CMC1: variants seen among roughly 807,000 people sequenced by gnomAD.
CMC1 encodes COX assembly mitochondrial protein homolog.
Under a neutral mutation model 14.1 loss-of-function variants are expected in CMC1, and 14 were observed. The observed-to-expected ratio is 0.99, with a 90% CI of 0.66 to 1.55. The LOEUF (loss-of-function observed/expected upper bound fraction) is 1.55, where lower values mean the gene tolerates loss of function less well. CMC1 is among the 40% of genes most tolerant of loss of function. CMC1 has a pLI of 0.00. For synonymous variants in CMC1, 50 were observed against 38.4 expected, an observed-to-expected ratio of 1.30 and a Z score of -1.12; for missense variants, 127 against 123.8, an observed-to-expected ratio of 1.03 and a Z score of -0.12.
chr3:28,297,584 A>G lies in CMC1; in HGVS notation c.110-18749A>G, dbSNP rs1192647782. Among the ~76,000 whole-genome samples, 3 of 152,102 alleles carry G rather than the reference A, an allele frequency of 2.0e-5. No homozygotes were observed. The East Asian group carries it at 5.8e-4, about 29-fold the overall frequency. ...ATTTTAGAGCTGAAATGTTTAAGAA[A>G]GCTTTTCCAGCAGATGACACAGACC... On this transcript the variant is annotated intron_variant, in intron 2 of 3. Coordinates refer to ENST00000466830, the MANE Select transcript of CMC1 (RefSeq NM_182523.2).
rs1469721734 is a variant in CMC1, at chr3:28,253,806, CTAAG to C, written c.20-9478_20-9475del. ...TAAATTTTTTAAAAAATGGCATTAC[CTAAG>C]TAAGTATCAAATTAGTTAAATTAGA... On this transcript the variant is annotated intron_variant, in intron 1 of 3. Transcript: ENST00000466830. 13 of 982,402 alleles carry C rather than the reference CTAAG, an allele frequency of 1.3e-5. No individual in the cohort carries two copies. In the African/African-American group the frequency reaches 1.7e-4, roughly 13 times the overall value. 60.9% of individuals were successfully genotyped at this position (982,402 alleles called of 1,614,324 possible).
chr3:28,277,485 T>G (rs1700640436), intron 2 of CMC1, among the ~76,000 whole-genome samples: 1 of 152,124 alleles, frequency 6.6e-6, no homozygotes, highest in African/African-American at 2.4e-5. Context: ...ATCTTGAAAG[T>G]TATGAACTTT....
chr3:28,311,674 G>A (rs17021353), intron 2 of CMC1, among the ~76,000 whole-genome samples: 2,233 of 152,228 alleles, frequency 0.015, 53 homozygotes, highest in African/African-American at 0.05. Flanking sequence ...GCACTTAGGC[G>A]TCGTCTATAG....
At position 28,322,982 on chromosome 3, in the gene CMC1, A is replaced by G. The variant is rs896378492; in HGVS notation, c.*3353A>G. The G allele has an allele frequency of 6.6e-6, 1 of 150,752 alleles. No individual in the cohort carries two copies. Among genetic ancestry groups the G allele is most frequent in the African/African-American group, 2.4e-5 (1 of 41,290 alleles). The allele number at this position is 150,752 out of a possible 1,614,324, so 9.3% of individuals were successfully genotyped here. On this transcript the variant is annotated 3_prime_UTR_variant, in exon 4 of 4. Coordinates refer to ENST00000466830, the MANE Select transcript of CMC1 (RefSeq NM_182523.2). Reference sequence around the variant, plus strand: ...TAAATTTCCATGTGAAGCCATCTTTATTTCCTTCTTTATTTCCAAATAATT... The same window carrying G: ...TAAATTTCCATGTGAAGCCATCTTTGTTTCCTTCTTTATTTCCAAATAATT...
chr3:28,315,197 A>G (rs1221778989), intron 2 of CMC1: 1 of 152,226 alleles, frequency 6.6e-6, no homozygotes, highest in African/African-American at 2.4e-5. Flanking sequence ...AGCAAAGCAT[A>G]TTGTCCTGTG....
At chr3:28,311,611 C>G (rs1384154147) in intron 2 of CMC1, among the ~76,000 whole-genome samples, 1 of 152,172 alleles carries the variant, frequency 6.6e-6, no homozygotes, top group African/African-American at 2.4e-5. Flanking sequence ...TGTCTTCAGG[C>G]ACTTTTTACT....
chr3:28,303,715 C>T (rs1242318243), intron 2 of CMC1, among the ~76,000 whole-genome samples: 1 of 151,992 alleles, frequency 6.6e-6, no homozygotes, highest in Non-Finnish European at 1.5e-5. Context: ...TATTAACACT[C>T]CTTCAATTAA....
At chr3:28,300,669 C>A (rs866374287) in intron 2 of CMC1, among the ~76,000 whole-genome samples, 33 of 109,776 alleles carry the variant, frequency 3.0e-4, no homozygotes, top group Middle Eastern at 4.2e-3. Flanking sequence ...CTCCCTTTCC[C>A]TCCCTTTCCC....
At chr3:28,264,581 C>G (rs1699906659) in intron 2 of CMC1, among the ~76,000 whole-genome samples, 1 of 152,110 alleles carries the variant, frequency 6.6e-6, no homozygotes. Context: ...CACCTACCCC[C>G]AGATGTCTTG....
chr3:28,302,654 A>T (rs1001027648), intron 2 of CMC1, among the ~76,000 whole-genome samples: 1 of 152,144 alleles, frequency 6.6e-6, no homozygotes, highest in East Asian at 1.9e-4. Context: ...ATTTAAATAT[A>T]TTTTATAGGA....
intron 1 of CMC1, among the ~76,000 whole-genome samples, chr3:28,242,762 A>C (rs1457501506): frequency 1.3e-5 from 2 of 152,178 alleles, no homozygotes; most frequent in Non-Finnish European, 2.9e-5. Context: ...TAGATCAGGG[A>C]GTACTCTAAT....
At chr3:28,279,750 A>G (rs1360314004) in intron 2 of CMC1, among the ~76,000 whole-genome samples, 1 of 151,648 alleles carries the variant, frequency 6.6e-6, no homozygotes, top group African/African-American at 2.4e-5. Flanking sequence ...CAGAGAGGGG[A>G]AAAAAAAAGA....
At chr3:28,244,942 A>T (rs1242591087) in intron 1 of CMC1, among the ~76,000 whole-genome samples, 2 of 146,974 alleles carry the variant, frequency 1.4e-5, no homozygotes, top group Non-Finnish European at 3.0e-5. Context: ...AATAAAATGT[A>T]TGGAAGCCAG....
chr3:28,250,761 T>C (rs1699089885), intron 1 of CMC1, among the ~76,000 whole-genome samples: 1 of 152,176 alleles, frequency 6.6e-6, no homozygotes, highest in Non-Finnish European at 1.5e-5. Flanking sequence ...AGATGAGCAC[T>C]GAGAACTCAG....
rs1427258578 is a variant in CMC1 at position 28,241,653 on chromosome 3, T to C, written c.-141T>C. ...AGGAAGAGGGAACGGGTCCTGGCGG[T>C]GCTTTGCAAAGGGCCCGTGTTTCTG... On this transcript the variant is annotated 5_prime_UTR_variant, in exon 1 of 4. Transcript: ENST00000466830. 1.6e-6 allele frequency: 2 copies of C among 1,232,918 alleles called. No individual in the cohort carries two copies. Among genetic ancestry groups the C allele is most frequent in the Non-Finnish European group, 2.0e-6 (2 of 987,752 alleles). 76.4% of individuals were successfully genotyped at this position (1,232,918 alleles called of 1,614,324 possible).
intron 1 of CMC1, among the ~76,000 whole-genome samples, chr3:28,255,308 T>A (rs1212579114): frequency 6.6e-6 from 1 of 150,522 alleles, no homozygotes; most frequent in South Asian, 2.1e-4. Flanking sequence ...TGGCATGATC[T>A]CGGCTCACTG....
chr3:28,282,920 G>A (rs1451133301), intron 2 of CMC1, among the ~76,000 whole-genome samples: 5 of 152,084 alleles, frequency 3.3e-5, no homozygotes, highest in South Asian at 4.1e-4. Flanking sequence ...AAGAAAATCC[G>A]ATTTGACTTG....
intron 2 of CMC1, among the ~76,000 whole-genome samples, chr3:28,283,558 A>C (rs1457254471): frequency 6.6e-6 from 1 of 151,146 alleles, no homozygotes; most frequent in Non-Finnish European, 1.5e-5. Flanking sequence ...AAACAAAAAA[A>C]AAAAAAAAAG....
intron 2 of CMC1, 112 bp downstream of exon 2, chr3:28,263,492 T>G (rs1478995565): frequency 1.6e-6 from 1 of 616,422 alleles, no homozygotes; most frequent in African/African-American, 2.0e-5. Context: ...ATGAATTGCT[T>G]CTCACCCTTT....
Sources: gnomAD v4.1 joint callset for allele counts (sites outside exome capture counted in the v4.1 genomes callset) on GRCh38, gnomAD v4.1.1 for gene constraint, MANE v1.5 for transcripts, NCBI Gene and HGNC (gene_info 2026-07-23, HGNC 2026-07-21) for gene names.